RFTN2: variants seen among roughly 807,000 people sequenced by gnomAD.
RFTN2 encodes the protein raftlin family member 2.
A neutral mutation model predicts 52.7 loss-of-function variants in RFTN2; 34 were observed. The ratio of observed to expected loss-of-function variants is 0.64; its 90% CI spans 0.49 to 0.86. The LOEUF (loss-of-function observed/expected upper bound fraction) is 0.86. RFTN2 is among the 40% of genes least tolerant of loss of function. The pLI is 0.00. For synonymous variants in RFTN2, 203 were observed against 217.7 expected, an observed-to-expected ratio of 0.93 and a Z score of 0.59; for missense variants, 536 against 600.1, an observed-to-expected ratio of 0.89 and a Z score of 1.12.
chr2:197,586,042 C>G (rs146858585), intron 8 of RFTN2, among the ~76,000 whole-genome samples: 145 of 152,318 alleles, frequency 9.5e-4, no homozygotes, highest in African/African-American at 3.3e-3. Context: ...ACACACACCA[C>G]TGAAACAATT....
At chr2:197,620,473 T>G (rs2088244492) in intron 5 of RFTN2, among the ~76,000 whole-genome samples, 1 of 152,210 alleles carries the variant, frequency 6.6e-6, no homozygotes, top group East Asian at 1.9e-4. Flanking sequence ...CTCTAAATTC[T>G]AAAGGCCTGC....
At chr2:197,643,391 CCTTAA>C (rs1489737238) in intron 3 of RFTN2, among the ~76,000 whole-genome samples, 2 of 152,154 alleles carry the variant, frequency 1.3e-5, no homozygotes, top group Admixed American at 6.6e-5. Flanking sequence ...CCACACCTGG[CCTTAA>C]CTTGTCTTAA....
chr2:197,584,335 G>A (rs1445930923), intron 8 of RFTN2, among the ~76,000 whole-genome samples: 1 of 152,072 alleles, frequency 6.6e-6, no homozygotes, highest in Non-Finnish European at 1.5e-5. Flanking sequence ...GGTGTGAGAT[G>A]GTATCTCATT....
intron 8 of RFTN2, among the ~76,000 whole-genome samples, chr2:197,590,639 C>T (rs766150700): frequency 6.6e-5 from 10 of 152,116 alleles, no homozygotes; most frequent in East Asian, 1.9e-4. Flanking sequence ...GCGGCGTGTC[C>T]GGAGTTTGCT....
chr2:197,605,976 CTT>C (rs1416319298), intron 7 of RFTN2, among the ~76,000 whole-genome samples: 4 of 152,104 alleles, frequency 2.6e-5, no homozygotes, highest in African/African-American at 4.8e-5. Context: ...ATAGTCAACT[CTT>C]TTTTCATTAT....
chr2:197,592,354 C>T (rs552883188), intron 8 of RFTN2, among the ~76,000 whole-genome samples: 1 of 152,156 alleles, frequency 6.6e-6, no homozygotes, highest in African/African-American at 2.4e-5. Context: ...TGCCACCACG[C>T]CCAGCTAATT....
chr2:197,573,599 A>G (rs1207657308), intron 8 of RFTN2, among the ~76,000 whole-genome samples: 2 of 152,224 alleles, frequency 1.3e-5, no homozygotes, highest in Admixed American at 6.5e-5. Flanking sequence ...AGAAAAACCA[A>G]TTTTCTGAGA....
chr2:197,640,114 G>C (rs990871145), intron 3 of RFTN2, among the ~76,000 whole-genome samples: 1 of 152,228 alleles, frequency 6.6e-6, no homozygotes, highest in South Asian at 2.1e-4. Flanking sequence ...CTCCAGCTGC[G>C]TGCTGGGAGA....
chr2:197,608,325 T>C (rs995342538), intron 7 of RFTN2, among the ~76,000 whole-genome samples: 1 of 151,422 alleles, frequency 6.6e-6, no homozygotes, highest in South Asian at 2.1e-4. Flanking sequence ...TTTTTTTTTT[T>C]TTTTGAGACA....
intron 8 of RFTN2, among the ~76,000 whole-genome samples, chr2:197,592,163 A>C (rs1275892170): frequency 6.6e-6 from 1 of 152,138 alleles, no homozygotes; most frequent in Non-Finnish European, 1.5e-5. Context: ...GGGTAGGAAA[A>C]GTCTTGATAT....
intron 8 of RFTN2, among the ~76,000 whole-genome samples, chr2:197,590,429 G>C (rs2087684972): frequency 6.6e-6 from 1 of 152,136 alleles, no homozygotes; most frequent in African/African-American, 2.4e-5. Context: ...AATTCCAAAA[G>C]TAAAGGTCTC....
intron 8 of RFTN2, among the ~76,000 whole-genome samples, chr2:197,590,073 A>G (rs2106180074): frequency 6.9e-6 from 1 of 144,846 alleles, no homozygotes; most frequent in East Asian, 2.0e-4. Context: ...ATGCCCAGCT[A>G]ATTTTTGTAT....
intron 5 of RFTN2, among the ~76,000 whole-genome samples, chr2:197,618,917 C>T (rs1364154478): frequency 1.3e-5 from 2 of 151,178 alleles, no homozygotes; most frequent in East Asian, 2.0e-4. Flanking sequence ...AAGTGAGGAG[C>T]GTCTCTGCCC....
intron 7 of RFTN2, among the ~76,000 whole-genome samples, chr2:197,604,358 C>T (rs1054454075): frequency 6.6e-6 from 1 of 152,136 alleles, no homozygotes; most frequent in Non-Finnish European, 1.5e-5. Context: ...CAGCAAACCA[C>T]CAGCAGCTGA....
Position 197,629,735 on chromosome 2 carries a change from T to TA in RFTN2, c.928+1275_928+1276insT, listed in dbSNP as rs397703748. 7.7e-3 allele frequency among the ~76,000 whole-genome samples: 1,111 copies of TA among 144,026 alleles called. 28 individuals are homozygous for TA. The highest frequency in any genetic ancestry group is 0.068 in the East Asian group (335 of 4,894). The allele number at this position is 144,026 out of a possible 152,430, so 94.5% of individuals were successfully genotyped here. ...TATTTTATTTTATTTTATTTTATTT[T>TA]TTTTTGAGACAGTGTCTTACTCTGT... On this transcript the variant is annotated intron_variant, in intron 5 of 8. Transcript: ENST00000295049.
At position 197,591,657 on chromosome 2, in the gene RFTN2, C is replaced by T. The variant is rs1016089160; in HGVS notation, c.1233+4334G>A. 9.9e-5 allele frequency among the ~76,000 whole-genome samples: 15 copies of T among 151,984 alleles called. No homozygotes were observed. The East Asian group carries it at 1.2e-3, about 12-fold the overall frequency. On this transcript the variant is annotated intron_variant, in intron 8 of 8. Coordinates refer to ENST00000295049, the MANE Select transcript of RFTN2 (RefSeq NM_144629.3). ...GGTGCAGGAGCCCACGGTGGTGGAG[C>T]GGGGGGGCTCAGGCATGGCGGGCTG...
intron 1 of RFTN2, among the ~76,000 whole-genome samples, chr2:197,646,897 C>CAA (rs35611096): frequency 0.058 from 5,127 of 88,026 alleles, 827 homozygotes; most frequent in South Asian, 0.12. Flanking sequence ...ATTGTCTCTA[C>CAA]AAAAAAAAAA....
chr2:197,619,209 C>G (rs1331369415), intron 5 of RFTN2, among the ~76,000 whole-genome samples: 1 of 151,992 alleles, frequency 6.6e-6, no homozygotes, highest in Admixed American at 6.5e-5. Context: ...GTGAGGAGCC[C>G]CTCTGCCCGG....
chr2:197,596,397 C>T lies in RFTN2; in HGVS notation c.1155-328G>A, dbSNP rs531383547. Among the ~76,000 whole-genome samples, 32 of 152,252 alleles carry T rather than the reference C, an allele frequency of 2.1e-4. No homozygotes were observed. The East Asian group carries it at 5.8e-3, about 27-fold the overall frequency. ...TGTTTCCCCTCTTAGTCTTTATCAG[C>T]TTGTGTAATTTGCATGTCTGTGATC... On this transcript the variant is annotated intron_variant, in intron 7 of 8. Coordinates refer to ENST00000295049, the MANE Select transcript of RFTN2 (RefSeq NM_144629.3).
Sources: allele counts gnomAD v4.1 joint callset (sites outside exome capture counted in the v4.1 genomes callset), GRCh38; gene constraint gnomAD v4.1.1; transcripts MANE v1.5; gene names NCBI Gene and HGNC (gene_info 2026-07-23, HGNC 2026-07-21).